Variants in ANOS1 observed in about 807,000 individuals in gnomAD.
ANOS1 encodes the protein anosmin 1.
ANOS1 carries 6 observed loss-of-function variants against 59.0 expected under a neutral mutation model. The ratio of observed to expected loss-of-function variants is 0.10; its 90% CI spans 0.06 to 0.20. ANOS1 has a LOEUF of 0.20. Among genes scored for constraint, ANOS1 ranks in the 10% least tolerant of loss-of-function variants. The pLI, the probability that ANOS1 is intolerant of heterozygous loss-of-function variation, is 1.00. For missense variants in ANOS1, 433 were observed against 542.3 expected (o/e 0.80, Z 2.00); for synonymous variants, 217 against 223.4 (o/e 0.97, Z 0.25).
chrX:8,685,604 GAAAGAAAGA>G lies in ANOS1; in HGVS notation c.255+14085_255+14093del, dbSNP rs1569082580. ...AAAGAAAGAGAAAGAAAGGAAGAAA[GAAAGAAAGA>G]AAGAAAGAAAGAAAGAAAGAAAGAA... On this transcript the variant is annotated intron_variant, in intron 2 of 13. Transcript: ENST00000262648. Among the ~76,000 whole-genome samples the G allele has an allele frequency of 7.0e-3, 457 of 65,689 alleles. 1 individual carries two copies. Among genetic ancestry groups the G allele is most frequent in the South Asian group, 0.023 (24 of 1,059 alleles). 57.0% of individuals were successfully genotyped at this position (65,689 alleles called of 115,157 possible).
Position 8,529,029 on chromosome X carries a change from C to T in ANOS1, c.*3966G>A, listed in dbSNP as rs1929453288. 1 of 111,900 alleles carries T rather than the reference C, an allele frequency of 8.9e-6. No individual in the cohort carries two copies. The allele number at this position is 111,900 out of a possible 1,213,427, so 9.2% of individuals were successfully genotyped here. A position where few individuals can be genotyped will look rare whatever the true frequency, so the allele number is the denominator to read the frequency against. ...CTCTCTAAATAATGTGACAGACATA[C>T]ACAAAAATCCAACTTTTTTTATTAC... On this transcript the variant is annotated 3_prime_UTR_variant, in exon 14 of 14. Coordinates refer to ENST00000262648, the MANE Select transcript of ANOS1 (RefSeq NM_000216.4).
chrX:8,703,704 C>T (rs994078162), intron 1 of ANOS1, among the ~76,000 whole-genome samples: 7 of 111,314 alleles, frequency 6.3e-5, no homozygotes, highest in African/African-American at 2.3e-4. Context: ...GTCCTAAATA[C>T]CATATGTTGA....
chrX:8,722,070 C>G (rs1932878657), intron 1 of ANOS1, among the ~76,000 whole-genome samples: 1 of 112,201 alleles, frequency 8.9e-6, no homozygotes, highest in Admixed American at 9.5e-5. Context: ...CTGAACTTGT[C>G]TGTTTACAAA....
Position 8,718,686 on chromosome X carries a change from A to T in ANOS1, c.207+13144T>A, listed in dbSNP as rs937988763. ...CCTTTATGTGGGTCATTCATATGGC[A>T]GGACTGTTGGGCAGGAATAGGTAAC... is the stretch of plus-strand genomic sequence containing the variant. On this transcript the variant is annotated intron_variant, in intron 1 of 13. Coordinates refer to ENST00000262648, the MANE Select transcript of ANOS1 (RefSeq NM_000216.4). 4.5e-5 allele frequency among the ~76,000 whole-genome samples: 5 copies of T among 111,838 alleles called. No homozygotes were observed. In the Admixed American group the frequency reaches 4.8e-4, roughly 11 times the overall value.
intron 2 of ANOS1, among the ~76,000 whole-genome samples, chrX:8,680,162 CAAAAAAAAA>C (rs754341783): frequency 3.5e-5 from 1 of 28,515 alleles, no homozygotes; most frequent in African/African-American, 1.1e-4. Context: ...GAGACTCCAT[CAAAAAAAAA>C]AAAAAAAAAA....
At chrX:8,664,089 A>G (rs1932087431) in intron 2 of ANOS1, among the ~76,000 whole-genome samples, 1 of 111,958 alleles carries the variant, frequency 8.9e-6, no homozygotes, top group African/African-American at 3.2e-5. Flanking sequence ...TAGCTAATGC[A>G]TAGGTGATGG....
At chrX:8,622,273 G>A (rs907514196) in intron 3 of ANOS1, among the ~76,000 whole-genome samples, 2 of 111,852 alleles carry the variant, frequency 1.8e-5, no homozygotes, top group Non-Finnish European at 3.8e-5. Context: ...GCTTCCACAC[G>A]TAACTCTTGG....
At chrX:8,676,654 A>G (rs1932342633) in intron 2 of ANOS1, among the ~76,000 whole-genome samples, 1 of 112,167 alleles carries the variant, frequency 8.9e-6, no homozygotes, top group East Asian at 2.8e-4. Context: ...TTTTAAATAT[A>G]TTCATTTTTT....
Position 8,529,234 on chromosome X carries a change from T to C in ANOS1, c.*3761A>G, listed in dbSNP as rs1320059431. On this transcript the variant is annotated 3_prime_UTR_variant, in exon 14 of 14. Transcript: ENST00000262648. ...CCGTAAATCATATAACTCACTAGAATATTCAGTAGAGGTAAGACAGTCATG... is the reference window on the plus strand; with the variant it reads ...CCGTAAATCATATAACTCACTAGAACATTCAGTAGAGGTAAGACAGTCATG... 1 of 111,761 alleles carries C rather than the reference T, an allele frequency of 8.9e-6. No homozygotes were observed. The highest frequency in any genetic ancestry group is 2.8e-4 in the East Asian group (1 of 3,565). 9.2% of individuals were successfully genotyped at this position (111,761 alleles called of 1,213,427 possible).
chrX:8,663,582 C>A (rs1462059280), intron 2 of ANOS1, among the ~76,000 whole-genome samples: 2 of 111,555 alleles, frequency 1.8e-5, no homozygotes, highest in Non-Finnish European at 3.8e-5. Context: ...CAGTTGGAAC[C>A]AATAGATCCA....
At chrX:8,647,257 C>T (rs1324438008) in intron 2 of ANOS1, among the ~76,000 whole-genome samples, 4 of 110,630 alleles carry the variant, frequency 3.6e-5, no homozygotes, top group African/African-American at 9.9e-5. Flanking sequence ...TGCCAAATGC[C>T]CCCCAGGGAC....
chrX:8,576,749 G>A (rs925067619), intron 6 of ANOS1, among the ~76,000 whole-genome samples: 1 of 110,858 alleles, frequency 9.0e-6, no homozygotes, highest in Non-Finnish European at 1.9e-5. Context: ...GGAGAAAAAC[G>A]GGGTTGAAGG....
intron 2 of ANOS1, among the ~76,000 whole-genome samples, chrX:8,671,855 T>G (rs1244813740): frequency 3.6e-5 from 4 of 110,875 alleles, no homozygotes; most frequent in Non-Finnish European, 1.9e-5. Flanking sequence ...TTAAAATATG[T>G]ACACATTGTG....
At chrX:8,569,620 A>C (rs761619323) in intron 7 of ANOS1, among the ~76,000 whole-genome samples, 7 of 112,029 alleles carry the variant, frequency 6.2e-5, no homozygotes, top group African/African-American at 1.6e-4. Context: ...CCAGTCTGAG[A>C]GACAGAGCGA....
chrX:8,637,065 G>A (rs1007278542), intron 2 of ANOS1, among the ~76,000 whole-genome samples: 4 of 112,328 alleles, frequency 3.6e-5, no homozygotes, highest in African/African-American at 1.3e-4. Context: ...AAAGAGTGAT[G>A]TTGAAGTTCT....
rs141134357 is a variant in ANOS1, at chrX:8,534,451, C to A, written c.1852G>T (p.Val618Phe). Residue 618 changes from valine to phenylalanine, a missense_variant, in exon 13 of 14, where the codon GTC (valine) becomes TTC (phenylalanine). Coordinates refer to ENST00000262648, the MANE Select transcript of ANOS1 (RefSeq NM_000216.4). The stretch of plus-strand genomic sequence containing the variant: ...GGTCTCAGATTGGGCACTGTTAGGA[C>A]ATAATGATCCTAAGGGGACAACATA... ...QSQILPSDHY[V>F]LTVPNLRPST... The A allele has an allele frequency of 4.1e-6, 5 of 1,209,641 alleles. No individual in the cohort carries two copies. The highest frequency in any genetic ancestry group is 5.6e-6 in the Non-Finnish European group (5 of 894,029).
At position 8,597,242 on chromosome X, in the gene ANOS1, C is replaced by T; in HGVS notation, c.333G>A (p.Lys111=). The change falls in exon 4 of 14, where the codon AAG becomes AAA. Residue 111 remains lysine, a synonymous_variant. Coordinates refer to ENST00000262648, the MANE Select transcript of ANOS1 (RefSeq NM_000216.4). ...AGCTGGTCAAGCATTCGTAGCTCTT[C>T]TTGGGGAAGAGAGGCTAAGTCAAAG... The part of the protein sequence containing the change: ...CQSFCEPLFP[K]KSYECLTSCE... 8.3e-7 allele frequency: 1 copy of T among 1,208,940 alleles called. No individual in the cohort carries two copies. The highest frequency in any genetic ancestry group is 1.1e-6 in the Non-Finnish European group (1 of 893,089).
intron 2 of ANOS1, among the ~76,000 whole-genome samples, chrX:8,689,850 T>G (rs1316450634): frequency 9.0e-6 from 1 of 111,207 alleles, no homozygotes; most frequent in African/African-American, 3.3e-5. Flanking sequence ...CCAAGGCTAC[T>G]TATAATTATC....
chrX:8,652,100 T>A (rs1252288549), intron 2 of ANOS1, among the ~76,000 whole-genome samples: 1 of 110,433 alleles, frequency 9.1e-6, no homozygotes, highest in East Asian at 2.9e-4. Context: ...TGCACCACCA[T>A]GCCTGGCTAA....
Sources: allele counts gnomAD v4.1 joint callset (sites outside exome capture counted in the v4.1 genomes callset), GRCh38; gene constraint gnomAD v4.1.1; transcripts MANE v1.5; gene names NCBI Gene and HGNC (gene_info 2026-07-23, HGNC 2026-07-21).